Variants in TMPO observed in about 807,000 individuals in gnomAD.
TMPO encodes the protein thymopoietin.
Under a neutral mutation model 45.4 loss-of-function variants are expected in TMPO, and 22 were observed. The observed-to-expected ratio is 0.48, with a 90% CI of 0.35 to 0.69. TMPO has a LOEUF of 0.69. Among genes scored for constraint, TMPO ranks in the 30% least tolerant of loss-of-function variants. The probability of loss-of-function intolerance (pLI) is 0.01; values close to 1 mark genes in which losing one functional copy is unlikely to be tolerated. For synonymous variants in TMPO, 241 were observed against 204.1 expected (o/e 1.18, Z -1.54); for missense variants, 512 against 548.8 (o/e 0.93, Z 0.67).
chr12:98,546,235 G>A, intron 7 of TMPO, 124 bp from the exon 8 acceptor site: 1 of 726,296 alleles, frequency 1.4e-6, no homozygotes, highest in South Asian at 1.5e-5. Flanking sequence ...AGAAATGGCA[G>A]CTGTAAAATC....
In TMPO at chr12:98,516,037, C is replaced by T. The variant is rs750410131; in HGVS notation, c.170C>T (p.Thr57Ile). The T allele has an allele frequency of 1.2e-6, 2 of 1,611,654 alleles. No individual in the cohort carries two copies. Among genetic ancestry groups the T allele is most frequent in the African/African-American group, 1.3e-5 (1 of 75,052 alleles). The change falls in exon 1 of 9, where the codon ACC becomes ATC. Residue 57 changes from threonine to isoleucine, a missense_variant. Around this residue, in one of 3 missense-constraint regions of TMPO, gnomAD observed 299 missense variants for 296.7 expected, o/e 1.01. Transcript: ENST00000556029. ...ARNRPPLPAG[T>I]NSKGPPDFSS... The stretch of plus-strand genomic sequence containing the variant: ...AACCGGCCGCCGCTCCCCGCCGGCA[C>T]CAACAGCAAGGGGCCCCCGGACTTC...
intron 1 of TMPO, among the ~76,000 whole-genome samples, chr12:98,522,305 G>C (rs533153437): frequency 6.6e-6 from 1 of 152,284 alleles, no homozygotes; most frequent in South Asian, 2.1e-4. Flanking sequence ...GTGAGCTGCT[G>C]CTCCTGGCCA....
At position 98,526,994 on chromosome 12, in the gene TMPO, A is replaced by G. The variant is rs374525391; in HGVS notation, c.280-892A>G. Among the ~76,000 whole-genome samples, 4 of 151,970 alleles carry G rather than the reference A, an allele frequency of 2.6e-5. No individual in the cohort carries two copies. In the East Asian group the frequency reaches 5.8e-4, roughly 22 times the overall value. On this transcript the variant is annotated intron_variant, in intron 1 of 8. Transcript: ENST00000556029. ...AAAAAGAAAAGAAAATCATTTCTAT[A>G]TATGTATCTAAGTGTAAGCCTGTAT...
Position 98,527,945 on chromosome 12 carries a change from A to C in TMPO, c.339A>C (p.Thr113=). Residue 113 remains threonine (T), a synonymous_variant, in exon 2 of 9, where the codon ACA becomes ACC. Coordinates refer to ENST00000556029, the MANE Select transcript of TMPO (RefSeq NM_001032283.3). Reference sequence around the variant, plus strand: ...AAGATAAAGATGATCTAGATGTAACAGAGCTCACTAATGAAGATCTTTTGG... The same window carrying C: ...AAGATAAAGATGATCTAGATGTAACCGAGCTCACTAATGAAGATCTTTTGG... ...RQEDKDDLDV[T]ELTNEDLLDQ... The C allele has an allele frequency of 6.2e-7, 1 of 1,613,950 alleles. No individual in the cohort carries two copies. The highest frequency in any genetic ancestry group is 1.1e-5 in the South Asian group (1 of 91,084).
At chr12:98,521,779 G>C (rs1425534185) in intron 1 of TMPO, among the ~76,000 whole-genome samples, 2 of 152,146 alleles carry the variant, frequency 1.3e-5, no homozygotes, top group Non-Finnish European at 2.9e-5. Context: ...ATCCAGGCTG[G>C]AGTGCAGTGG....
At chr12:98,534,527 C>A in intron 3 of TMPO, 1 of 1,400,874 alleles carries the variant, frequency 7.1e-7, no homozygotes, top group Non-Finnish European at 9.3e-7. Context: ...TAAAGATTTG[C>A]GTAGATAGGA....
At chr12:98,521,391 C>T (rs905082726) in intron 1 of TMPO, among the ~76,000 whole-genome samples, 2 of 152,142 alleles carry the variant, frequency 1.3e-5, no homozygotes, top group South Asian at 2.1e-4. Flanking sequence ...GGATTACAGA[C>T]GTGAGCCACC....
rs766567371 is a variant in TMPO at position 98,533,942 on chromosome 12, A to G, written c.565+2104A>G. The G allele has an allele frequency of 8.1e-6, 13 of 1,613,904 alleles. No homozygotes were observed. The highest frequency in any genetic ancestry group is 1.3e-5 in the African/African-American group (1 of 74,936). On this transcript the variant is annotated intron_variant, in intron 3 of 8. Transcript: ENST00000556029. ...CAAGCAGCCTCCACTGAGTCTTGCA[A>G]TCAGCAGTTGGACTTAGCACTCTGT...
intron 1 of TMPO, chr12:98,516,442 G>C (rs1207128009): frequency 2.6e-6 from 3 of 1,154,530 alleles, no homozygotes; most frequent in South Asian, 4.3e-5. Flanking sequence ...ACCACCAGCC[G>C]CCTGCAGCGG....
At position 98,548,045 on chromosome 12, in the gene TMPO, A is replaced by G; in HGVS notation, c.*187A>G. On this transcript the variant is annotated 3_prime_UTR_variant, in exon 9 of 9. Coordinates refer to ENST00000556029, the MANE Select transcript of TMPO (RefSeq NM_001032283.3). Reference sequence around the variant, plus strand: ...TCATTAAAATGTTTTTGAACTTTGGACTAGTAGGAGATCACTTTGTGCCAT... The same window carrying G: ...TCATTAAAATGTTTTTGAACTTTGGGCTAGTAGGAGATCACTTTGTGCCAT... 1.6e-6 allele frequency: 1 copy of G among 643,780 alleles called. No individual in the cohort carries two copies. The highest frequency in any genetic ancestry group is 3.0e-5 in the East Asian group (1 of 33,476). 39.9% of individuals were successfully genotyped at this position (643,780 alleles called of 1,614,324 possible). A position where few individuals can be genotyped will look rare whatever the true frequency, so the allele number is the denominator to read the frequency against.
In TMPO at chr12:98,537,915, T is replaced by C. The variant is rs532271766; in HGVS notation, c.663+343T>C. 4.6e-5 allele frequency among the ~76,000 whole-genome samples: 7 copies of C among 152,360 alleles called. No homozygotes were observed. The South Asian group carries it at 1.4e-3, about 32-fold the overall frequency. On this transcript the variant is annotated intron_variant, in intron 4 of 8. Coordinates refer to ENST00000556029, the MANE Select transcript of TMPO (RefSeq NM_001032283.3). Reference sequence around the variant, plus strand: ...TAAAAGGCAATGGAAGGGTTTTATATTTGTGTCTTTGTCTCTAGATTTCTG... The same window carrying C: ...TAAAAGGCAATGGAAGGGTTTTATACTTGTGTCTTTGTCTCTAGATTTCTG...
rs1877812495 is a variant in TMPO, at chr12:98,539,909, A to G, written c.663+2337A>G. On this transcript the variant is annotated intron_variant, in intron 4 of 8. Coordinates refer to ENST00000556029, the MANE Select transcript of TMPO (RefSeq NM_001032283.3). ...AAAGATAAGTGCTATTCCAGTGACAATGCCAATATCACACCTAATAAAATT... is the reference window on the plus strand; with the variant it reads ...AAAGATAAGTGCTATTCCAGTGACAGTGCCAATATCACACCTAATAAAATT... Among the ~76,000 whole-genome samples the G allele has an allele frequency of 3.9e-5, 6 of 152,246 alleles. 1 individual carries two copies. The highest frequency in any genetic ancestry group is 3.9e-4 in the Admixed American group (6 of 15,288).
intron 2 of TMPO, among the ~76,000 whole-genome samples, chr12:98,530,505 C>G (rs981376400): frequency 1.9e-5 from 2 of 104,948 alleles, no homozygotes; most frequent in Non-Finnish European, 4.3e-5. Context: ...TTTTGCTCAT[C>G]TTACCAGGAG....
intron 1 of TMPO, 74 bp downstream of exon 1, chr12:98,516,220 C>T (rs1463661183): frequency 3.8e-6 from 5 of 1,310,890 alleles, no homozygotes; most frequent in Non-Finnish European, 3.9e-6. Flanking sequence ...CGTTTGCAGC[C>T]CCTCCCTCCC....
rs950196099 is a variant in TMPO, at chr12:98,545,130, T to G, written c.990+69T>G. ...AAGAGGAAATATAAATATTTGTTTG[T>G]TTTTTTTTTTTTTTTTTGGAGTGGG... On this transcript the variant is annotated intron_variant, in intron 7 of 8. Coordinates refer to ENST00000556029, the MANE Select transcript of TMPO (RefSeq NM_001032283.3). The G allele has an allele frequency of 3.9e-5, 15 of 386,038 alleles. No individual in the cohort carries two copies. The East Asian group carries it at 5.0e-4, about 13-fold the overall frequency. The allele number at this position is 386,038 out of a possible 1,614,324, so 23.9% of individuals were successfully genotyped here.
At chr12:98,547,134 G>GGC (rs1315677163) in intron 8 of TMPO, among the ~76,000 whole-genome samples, 3 of 149,842 alleles carry the variant, frequency 2.0e-5, no homozygotes, top group Non-Finnish European at 1.5e-5. Flanking sequence ...GGAGTACAGT[G>GGC]GCGTGATCTC....
intron 1 of TMPO, among the ~76,000 whole-genome samples, chr12:98,521,865 G>A (rs1414577950): frequency 6.6e-6 from 1 of 152,144 alleles, no homozygotes; most frequent in Admixed American, 6.5e-5. Context: ...GAGGAGCTGG[G>A]ATTACAAGCG....
chr12:98,540,940 C>T (rs543244947), intron 4 of TMPO, among the ~76,000 whole-genome samples: 2 of 152,290 alleles, frequency 1.3e-5, no homozygotes, highest in East Asian at 3.9e-4. Flanking sequence ...ATTGTCCTTT[C>T]ATTTAATGGT....
Position 98,527,944 on chromosome 12 carries a change from C to T in TMPO, c.338C>T (p.Thr113Ile), listed in dbSNP as rs777011726. The change falls in exon 2 of 9, where the codon ACA (threonine) becomes ATA (isoleucine). Residue 113 changes from threonine (T) to isoleucine (I), a missense_variant. Thr to Ile is a moderately conservative substitution (Grantham distance 89). Around this residue, in one of 3 missense-constraint regions of TMPO, gnomAD observed 299 missense variants for 296.7 expected, o/e 1.01. Transcript: ENST00000556029. ...RQEDKDDLDV[T>I]ELTNEDLLDQ... ...GAAGATAAAGATGATCTAGATGTAA[C>T]AGAGCTCACTAATGAAGATCTTTTG... 2 of 1,613,832 alleles carry T rather than the reference C, an allele frequency of 1.2e-6. No individual in the cohort carries two copies. The highest frequency in any genetic ancestry group is 2.2e-5 in the East Asian group (1 of 44,810).
Sources: allele counts gnomAD v4.1 joint callset (sites outside exome capture counted in the v4.1 genomes callset), GRCh38; gene constraint gnomAD v4.1.1; regional missense constraint gnomAD v4.1.1; transcripts MANE v1.5; gene names NCBI Gene and HGNC (gene_info 2026-07-23, HGNC 2026-07-21).